The following MAN2C1 variants were observed in gnomAD, a reference collection of about 807,000 sequenced individuals.
The protein encoded by MAN2C1 is mannosidase alpha class 2C member 1.
In MAN2C1, 111 loss-of-function variants were observed where a neutral mutation model predicts 126.9. The ratio of observed to expected loss-of-function variants is 0.87; its 90% CI spans 0.75 to 1.02. The LOEUF (loss-of-function observed/expected upper bound fraction) is 1.02. Ranked by LOEUF, MAN2C1 falls within the 50% of genes least tolerant of loss-of-function variation. The probability of loss-of-function intolerance (pLI) is 0.00; values close to 1 mark genes in which losing one functional copy is unlikely to be tolerated. For synonymous variants in MAN2C1, 567 were observed against 561.5 expected (o/e 1.01, Z -0.14); for missense variants, 1,363 against 1,364.4 (o/e 1.00, Z 0.02).
intron 2 of MAN2C1, 185 bp downstream of exon 2, chr15:75,367,888 C>G (rs1249069280): frequency 2.1e-6 from 2 of 962,068 alleles, no homozygotes; most frequent in South Asian, 1.7e-5. Context: ...GGAATGAAAA[C>G]CATCCCCTGA....
At chr15:75,363,832 C>T (rs1026547170) in intron 6 of MAN2C1, 167 bp downstream of exon 6, 98 of 680,532 alleles carry the variant, frequency 1.4e-4, no homozygotes, top group Admixed American at 3.7e-4. Flanking sequence ...GAATCCAAAG[C>T]AAGCAGAGCC....
At position 75,368,196 on chromosome 15, in the gene MAN2C1, A is replaced by G. The variant is rs1309312529; in HGVS notation, c.104T>C (p.Leu35Pro). Residue 35 changes from leucine (L) to proline (P), a missense_variant and splice_region_variant, in exon 2 of 26, where the codon CTT becomes CCT. By Grantham distance (98) the Leu-to-Pro change is moderately conservative (BLOSUM62 -3). Transcript: ENST00000267978. ...AGCCACAGGGCAGCTGGCCCCAAAAAGCCTGCGTGGGACGGGCCGGTGGGC... is the reference window on the plus strand; with the variant it reads ...AGCCACAGGGCAGCTGGCCCCAAAAGGCCTGCGTGGGACGGGCCGGTGGGC... ...YFTDCNLRGR[L>P]FGASCPVAVL... 1.9e-6 allele frequency: 3 copies of G among 1,603,032 alleles called. No homozygotes were observed. Among genetic ancestry groups the G allele is most frequent in the African/African-American group, 2.7e-5 (2 of 74,872 alleles).
intron 19 of MAN2C1, 23 bp downstream of exon 19, chr15:75,358,681 C>CTCACATGCTGCCCAGCCCATA: frequency 1.9e-6 from 3 of 1,603,640 alleles, no homozygotes; most frequent in Non-Finnish European, 2.6e-6. Context: ...CTCCACCATC[C>CTCACATGCTGCCCAGCCCATA]CCACATGCTG....
chr15:75,359,246 T>C, intron 17 of MAN2C1, 82 bp downstream of exon 17: 1 of 1,571,604 alleles, frequency 6.4e-7, no homozygotes, highest in Middle Eastern at 1.7e-4. Context: ...CACCACTTGC[T>C]CCAGACAGGG....
chr15:75,360,498 G>C, intron 13 of MAN2C1, 67 bp downstream of exon 13: 1 of 1,589,424 alleles, frequency 6.3e-7, no homozygotes, highest in Non-Finnish European at 8.6e-7. Flanking sequence ...GTCCCCTGCT[G>C]CCTTCTCTGA....
chr15:75,356,795 C>A lies in MAN2C1; in HGVS notation c.2655G>T (p.Ser885=), dbSNP rs137900637. The change falls in exon 22 of 26, where the codon TCG becomes TCT. Residue 885 remains serine (S), a splice_region_variant and synonymous_variant. Coordinates refer to ENST00000267978, the MANE Select transcript of MAN2C1 (RefSeq NM_006715.4). This position sits in a 1 kb window ranked among gnomAD's most constrained non-coding sequence, Gnocchi z 5.8. ...ASVRGSILSL[S]LLRAPKAPDA... is the part of the protein sequence containing the mutation. The stretch of plus-strand genomic sequence containing the variant: ...GGCCTGGTGGGTACCCCACTTACAG[C>A]GAGAGGCTGAGGATGCTGCCTCGCA... 4.3e-6 allele frequency: 7 copies of A among 1,613,998 alleles called. No individual in the cohort carries two copies. The highest frequency in any genetic ancestry group is 8.5e-7 in the Non-Finnish European group (1 of 1,180,014).
rs779157187 is a variant in MAN2C1 at position 75,368,537 on chromosome 15, C to T, written c.47G>A (p.Arg16Gln). The T allele has an allele frequency of 1.9e-5, 30 of 1,554,766 alleles. 1 individual carries two copies. The Admixed American group carries it at 5.6e-4, about 29-fold the overall frequency. ...GAGCGGCGACACGAACTTCTCCACC[C>T]GCTCCAGCGTGGTGCGCCAGTGCTT... ...ALKHWRTTLE[R>Q]VEKFVSPLYF... The change falls in exon 1 of 26, where the codon CGG (arginine) becomes CAG (glutamine). Residue 16 changes from arginine (R) to glutamine (Q), a missense_variant. Arg to Gln is a conservative substitution (Grantham distance 43, BLOSUM62 1). Coordinates refer to ENST00000267978, the MANE Select transcript of MAN2C1 (RefSeq NM_006715.4).
chr15:75,368,017 T>G, intron 2 of MAN2C1, 56 bp downstream of exon 2: 1 of 1,544,238 alleles, frequency 6.5e-7, no homozygotes, highest in Non-Finnish European at 8.7e-7. Context: ...GGCTGGGAGC[T>G]GGGTTGGGAC....
In MAN2C1 at chr15:75,356,014, T is replaced by C. The variant is rs15970; in HGVS notation, c.3015A>G (p.Arg1005=). The change falls in exon 26 of 26, where the codon CGA becomes CGG. Residue 1005 remains arginine (R), a synonymous_variant. Transcript: ENST00000267978. This position sits in a 1 kb window ranked among gnomAD's most constrained non-coding sequence, Gnocchi z 5.8. The stretch of plus-strand genomic sequence containing the variant: ...GGGTCAAGTGGCCAGCAGGGTCTGG[T>C]CGCTCCAAGAGATCGCAGCTGGAGA... ...QEAILCDLLE[R]PDPAGHLTLR... The C allele has an allele frequency of 6.2e-7, 1 of 1,613,984 alleles. No homozygotes were observed. Among genetic ancestry groups the C allele is most frequent in the South Asian group, 1.1e-5 (1 of 91,064 alleles).
At position 75,368,113 on chromosome 15, in the gene MAN2C1, C is replaced by T. The variant is rs1250536856; in HGVS notation, c.187G>A (p.Asp63Asn). ...TCGCCGACCTGCGCGGGGCGGAAGTCCCGCTGGACTGCCTCCTGGTAGGGA... is the reference window on the plus strand; with the variant it reads ...TCGCCGACCTGCGCGGGGCGGAAGTTCCGCTGGACTGCCTCCTGGTAGGGA... ...RLPYQEAVQR[D>N]FRPAQVGDSF... The change falls in exon 2 of 26, where the codon GAC becomes AAC. Residue 63 changes from aspartate to asparagine, a missense_variant. Physicochemically the swap from Asp to Asn is conservative, Grantham distance 23. Coordinates refer to ENST00000267978, the MANE Select transcript of MAN2C1 (RefSeq NM_006715.4). The T allele has an allele frequency of 4.4e-6, 7 of 1,607,274 alleles. No individual in the cohort carries two copies. The highest frequency in any genetic ancestry group is 3.3e-5 in the South Asian group (3 of 90,026).
Position 75,361,082 on chromosome 15 carries a change from C to T in MAN2C1, c.1424G>A (p.Arg475His), listed in dbSNP as rs755416424. The change falls in exon 12 of 26, where the codon CGC becomes CAC. Residue 475 changes from arginine to histidine, a missense_variant. Physicochemically the swap from Arg to His is conservative, Grantham distance 29. Coordinates refer to ENST00000267978, the MANE Select transcript of MAN2C1 (RefSeq NM_006715.4). This position sits in a 1 kb window ranked among gnomAD's most constrained non-coding sequence, Gnocchi z 5.0. Reference sequence around the variant, plus strand: ...ATCCGTATTGCTCAGGCGCTTCAGGCGGTCCAGCATGGTCTGGGTGGGGCC... The same window carrying T: ...ATCCGTATTGCTCAGGCGCTTCAGGTGGTCCAGCATGGTCTGGGTGGGGCC... Reference protein sequence around the residue: ...GGGPTQTMLDRLKRLSNTDGL... With the variant: ...GGGPTQTMLDHLKRLSNTDGL... 10 of 1,611,814 alleles carry T rather than the reference C, an allele frequency of 6.2e-6. No homozygotes were observed. The East Asian group carries it at 6.7e-5, about 11-fold the overall frequency.
rs763918576 is a variant in MAN2C1, at chr15:75,360,559, C to T, written c.1584+6G>A. On this transcript the variant is annotated splice_donor_region_variant and intron_variant, in intron 13 of 25. Coordinates refer to ENST00000267978, the MANE Select transcript of MAN2C1 (RefSeq NM_006715.4). The stretch of plus-strand genomic sequence containing the variant: ...TCCCTGCACAGCCCTGCAACCTCCC[C>T]CTGACCTGGGCATGGGTGGTGTATG... 6 of 1,613,484 alleles carry T rather than the reference C, an allele frequency of 3.7e-6. No homozygotes were observed. The highest frequency in any genetic ancestry group is 3.3e-5 in the Admixed American group (2 of 60,016).
chr15:75,367,457 G>GTCAT, intron 3 of MAN2C1, 54 bp downstream of exon 3: 5 of 1,595,426 alleles, frequency 3.1e-6, no homozygotes, highest in Non-Finnish European at 4.3e-6. Flanking sequence ...AAGGGCTGTA[G>GTCAT]TCATTTCAGG....
At position 75,364,104 on chromosome 15, in the gene MAN2C1, C is replaced by G. The variant is rs79888318; in HGVS notation, c.685G>C (p.Glu229Gln). 1.9e-6 allele frequency: 3 copies of G among 1,614,198 alleles called. No homozygotes were observed. The Admixed American group carries it at 5.0e-5, about 27-fold the overall frequency. Residue 229 changes from glutamate (E) to glutamine (Q), a missense_variant, in exon 6 of 26, where the codon GAG becomes CAG. Transcript: ENST00000267978. The stretch of plus-strand genomic sequence containing the variant: ...AGGGCCTGGGCCACTGGGAAGGTCT[C>G]GGGCTGGGCAGGGTCACACACGTTC... The part of the protein sequence containing the change: ...MVNVCDPAQP[E>Q]TFPVAQALAS...
Position 75,360,567 on chromosome 15 carries a change from G to A in MAN2C1, c.1582C>T (p.Gln528Ter), listed in dbSNP as rs376630463. ...LHNGTYTTHA[Q>*]IKKGNRECER... The stretch of plus-strand genomic sequence containing the variant: ...CAGCCCTGCAACCTCCCCCTGACCT[G>A]GGCATGGGTGGTGTATGTGCCATTG... Residue 528 changes from glutamine (Q) to a stop codon, truncating the protein, a stop_gained and splice_region_variant, in exon 13 of 26, where the codon CAG (glutamine) becomes TAG (stop). Coordinates refer to ENST00000267978, the MANE Select transcript of MAN2C1 (RefSeq NM_006715.4). LOFTEE classifies it high-confidence loss of function. The A allele has an allele frequency of 1.9e-6, 3 of 1,613,518 alleles. No individual in the cohort carries two copies. Among genetic ancestry groups the A allele is most frequent in the Non-Finnish European group, 2.5e-6 (3 of 1,179,984 alleles).
rs2072274770 is a variant in MAN2C1 at position 75,355,860 on chromosome 15, A to G, written c.*46T>C. ...GCTTTAGGCTGGGGAAGCAGAAATT[A>G]GGAGTCCCCAGAGCCTTCTACAAAC... On this transcript the variant is annotated 3_prime_UTR_variant, in exon 26 of 26. Transcript: ENST00000267978. The G allele has an allele frequency of 1.2e-6, 2 of 1,607,990 alleles. No homozygotes were observed. The highest frequency in any genetic ancestry group is 1.7e-6 in the Non-Finnish European group (2 of 1,177,124).
Position 75,361,151 on chromosome 15 carries a change from G to A in MAN2C1, c.1355C>T (p.Ala452Val). Residue 452 changes from alanine to valine, a missense_variant, in exon 12 of 26, where the codon GCC (alanine) becomes GTC (valine). By Grantham distance (64) the Ala-to-Val change is moderately conservative. Around this residue, in one of 3 missense-constraint regions of MAN2C1, gnomAD observed 628 missense variants for 609.8 expected, o/e 1.03. Transcript: ENST00000267978. This position sits in a 1 kb window ranked among gnomAD's most constrained non-coding sequence, Gnocchi z 5.0. ...TVANNRDKGR[A>V]NHSAFLFGFG... ...GCCAAAGAGGAAGGCACTGTGGTTG[G>A]CCCGCCCCTTGTCCCGGTTGTTGGC... 1 of 1,613,296 alleles carries A rather than the reference G, an allele frequency of 6.2e-7. No homozygotes were observed. Among genetic ancestry groups the A allele is most frequent in the Non-Finnish European group, 8.5e-7 (1 of 1,179,784 alleles).
chr15:75,357,109 C>T (rs1310946638), intron 21 of MAN2C1: 2 of 584,874 alleles, frequency 3.4e-6, no homozygotes, highest in East Asian at 5.6e-5. Flanking sequence ...TAATAGTACT[C>T]ACCCCATCGA....
intron 5 of MAN2C1, 25 bp downstream of exon 5, chr15:75,364,462 CA>C (rs113472617): frequency 6.5e-7 from 1 of 1,546,656 alleles, no homozygotes; most frequent in African/African-American, 1.4e-5. Flanking sequence ...TAGAGGGTAG[CA>C]GGGGGTACAG....
Sources: gnomAD v4.1 joint callset for allele counts on GRCh38, gnomAD v4.1.1 for gene constraint, gnomAD v4.1.1 regional missense constraint, Gnocchi (gnomAD v3.1) non-coding constraint, MANE v1.5 for transcripts, NCBI Gene and HGNC (gene_info 2026-07-23, HGNC 2026-07-21) for gene names.